Variants in FGF13 observed in about 807,000 individuals in gnomAD.
FGF13 encodes fibroblast growth factor 13, also known as fibroblast growth factor homologous factor 2.
A neutral mutation model predicts 19.5 loss-of-function variants in FGF13; 2 were observed. The observed-to-expected ratio is 0.10, with a 90% confidence interval of 0.04 to 0.32. The LOEUF (loss-of-function observed/expected upper bound fraction) is 0.32. Among genes scored for constraint, FGF13 ranks in the 10% least tolerant of loss-of-function variants. The pLI, the probability that FGF13 is intolerant of heterozygous loss-of-function variation, is 1.00. For missense variants in FGF13, 113 were observed against 192.7 expected (o/e 0.59, Z 2.45); for synonymous variants, 72 against 76.9 (o/e 0.94, Z 0.33).
Position 139,013,543 on chromosome X carries a change from T to C in FGF13, c.-112-148893A>G, listed in dbSNP as rs1343932705. 1.5e-4 allele frequency among the ~76,000 whole-genome samples: 13 copies of C among 88,940 alleles called. No individual in the cohort carries two copies. In the East Asian group the frequency reaches 4.7e-3, roughly 32 times the overall value. 77.2% of individuals were successfully genotyped at this position (88,940 alleles called of 115,157 possible). A position where few individuals can be genotyped will look rare whatever the true frequency, so the allele number is the denominator to read the frequency against. ...TATATATATATATAAAATGAAATAC[T>C]ATTCAGCCATAAAAAGGAATGAAAT... On this transcript the variant is annotated intron_variant, in intron 1 of 2. Transcript: ENST00000421460.
At chrX:138,784,614 C>G (rs1005635263) in intron 3 of FGF13, among the ~76,000 whole-genome samples, 6 of 111,010 alleles carry the variant, frequency 5.4e-5, no homozygotes, top group Non-Finnish European at 9.4e-5. Flanking sequence ...TCTCTATTAG[C>G]CTACTTCTTT....
intron 3 of FGF13, among the ~76,000 whole-genome samples, chrX:138,636,070 T>C (rs1340448067): frequency 1.8e-5 from 2 of 112,482 alleles, no homozygotes; most frequent in Admixed American, 1.9e-4. Context: ...TCATGGATTC[T>C]TGAGTTATTA....
At chrX:138,634,162 C>G (rs186214259) in intron 4 of FGF13, among the ~76,000 whole-genome samples, 1 of 111,984 alleles carries the variant, frequency 8.9e-6, no homozygotes, top group East Asian at 2.8e-4. Flanking sequence ...ACCCAAGGAG[C>G]TTTCTGGTAA....
At chrX:139,135,060 C>A (rs1333182237) in intron 1 of FGF13, among the ~76,000 whole-genome samples, 1 of 112,142 alleles carries the variant, frequency 8.9e-6, no homozygotes, top group Non-Finnish European at 1.9e-5. Flanking sequence ...CTCATTCATT[C>A]TTTTTAAATT....
At chrX:139,126,550 C>G in intron 1 of FGF13, among the ~76,000 whole-genome samples, 1 of 111,528 alleles carries the variant, frequency 9.0e-6, no homozygotes, top group African/African-American at 3.3e-5. Context: ...GAAAATGGTA[C>G]CAAATAAATC....
intron 1 of FGF13, among the ~76,000 whole-genome samples, chrX:139,128,964 C>T (rs1328550823): frequency 9.1e-6 from 1 of 109,383 alleles, no homozygotes; most frequent in Non-Finnish European, 1.9e-5. Context: ...GTTGGCATAG[C>T]AACACTATAA....
intron 1 of FGF13, among the ~76,000 whole-genome samples, chrX:139,202,743 GA>G (rs922186171): frequency 4.5e-5 from 5 of 111,695 alleles, no homozygotes; most frequent in African/African-American, 1.6e-4. Context: ...AGAAGGAGGA[GA>G]GGAGAACAAG....
chrX:138,644,772 A>G (rs1488572786), intron 3 of FGF13, among the ~76,000 whole-genome samples: 2 of 112,046 alleles, frequency 1.8e-5, no homozygotes, highest in East Asian at 5.6e-4. Flanking sequence ...AAGTCACTAT[A>G]GCATTCTTTC....
intron 1 of FGF13, among the ~76,000 whole-genome samples, chrX:139,106,988 A>T (rs1167550864): frequency 9.1e-6 from 1 of 109,314 alleles, no homozygotes; most frequent in Non-Finnish European, 1.9e-5. Context: ...GCTTGTAATT[A>T]TCCTTTGTGC....
intron 1 of FGF13, among the ~76,000 whole-genome samples, chrX:139,117,558 CAGT>C (rs765211257): frequency 8.9e-6 from 1 of 111,808 alleles, no homozygotes; most frequent in African/African-American, 3.3e-5. Flanking sequence ...ATCACTGCTC[CAGT>C]CCCCAGGTAT....
At chrX:138,785,245 CCT>C (rs992509014) in intron 3 of FGF13, among the ~76,000 whole-genome samples, 4 of 111,212 alleles carry the variant, frequency 3.6e-5, no homozygotes, top group African/African-American at 9.8e-5. Context: ...CAAGGGCTTT[CCT>C]CTCTTTCTTG....
At chrX:138,984,942 C>A in intron 1 of FGF13, 3 of 294,871 alleles carry the variant, frequency 1.0e-5, no homozygotes, top group Non-Finnish European at 2.0e-5. Flanking sequence ...CAAAAATTAC[C>A]TACAGTACAA....
intron 1 of FGF13, among the ~76,000 whole-genome samples, chrX:138,717,898 G>A (rs2090120952): frequency 1.8e-5 from 2 of 112,003 alleles, no homozygotes; most frequent in Admixed American, 9.5e-5. Flanking sequence ...ACAGGTGTGA[G>A]CCATAACACA....
intron 3 of FGF13, among the ~76,000 whole-genome samples, chrX:138,784,278 C>A (rs2124364045): frequency 1.0e-5 from 1 of 97,471 alleles, no homozygotes; most frequent in African/African-American, 3.8e-5. Flanking sequence ...AACTAACCTG[C>A]ACAATGTGCA....
At chrX:138,989,958 C>T (rs2092008829) in intron 1 of FGF13, among the ~76,000 whole-genome samples, 1 of 111,526 alleles carries the variant, frequency 9.0e-6, no homozygotes, top group African/African-American at 3.3e-5. Flanking sequence ...TAAGTGAAGA[C>T]TTAGTATAAA....
At chrX:138,991,598 G>A (rs903755301) in intron 1 of FGF13, among the ~76,000 whole-genome samples, 2 of 112,225 alleles carry the variant, frequency 1.8e-5, no homozygotes, top group Middle Eastern at 4.2e-3. Flanking sequence ...TCTGAATCAG[G>A]TGGAGAGTAG....
At chrX:139,007,238 G>C (rs1262559945) in intron 1 of FGF13, among the ~76,000 whole-genome samples, 1 of 111,082 alleles carries the variant, frequency 9.0e-6, no homozygotes. Flanking sequence ...ACAAAAACTA[G>C]AAAAAGACAA....
chrX:138,782,298 G>A (rs1260801741), intron 3 of FGF13, among the ~76,000 whole-genome samples: 3 of 112,287 alleles, frequency 2.7e-5, no homozygotes, highest in Non-Finnish European at 5.6e-5. Flanking sequence ...AGTGTTGGAA[G>A]TTCTGGCCAG....
intron 1 of FGF13, among the ~76,000 whole-genome samples, chrX:139,098,221 G>T (rs2083483670): frequency 9.0e-6 from 1 of 111,518 alleles, no homozygotes; most frequent in Non-Finnish European, 1.9e-5. Flanking sequence ...GAGCTCAGAA[G>T]GGGATGGAGA....
Sources: gnomAD v4.1 joint callset for allele counts (sites outside exome capture counted in the v4.1 genomes callset) on GRCh38, gnomAD v4.1.1 for gene constraint, MANE v1.5 for transcripts, NCBI Gene and HGNC (gene_info 2026-07-23, HGNC 2026-07-21) for gene names.